The following SHPRH variants were observed in gnomAD, a reference collection of about 807,000 sequenced individuals.
The protein encoded by SHPRH is SNF2 histone linker PHD RING helicase.
Under a neutral mutation model 202.5 loss-of-function variants are expected in SHPRH, and 106 were observed. The observed-to-expected ratio is 0.52, with a 90% CI of 0.45 to 0.62. The LOEUF (loss-of-function observed/expected upper bound fraction) is 0.62, where lower values mean the gene tolerates loss of function less well. Among genes scored for constraint, SHPRH ranks in the 20% least tolerant of loss-of-function variants. The pLI is 0.00. For synonymous variants in SHPRH, 729 were observed against 686.0 expected (o/e 1.06, Z -0.98); for missense variants, 1,710 against 2,020.0 (o/e 0.85, Z 2.94).
At chr6:145,862,442 AAAAC>A (rs1432793241), downstream of SHPRH, among the ~76,000 whole-genome samples, 2 of 119,484 alleles carry the variant, frequency 1.7e-5, no homozygotes, top group Admixed American at 7.5e-5. Flanking sequence ...ACAAAACAAA[AAAAC>A]AAAAACAACA....
chr6:145,952,407 T>C lies in SHPRH; in HGVS notation c.705A>G (p.Lys235=). Residue 235 remains lysine (K), a synonymous_variant, in exon 3 of 30, where the codon AAA becomes AAG. Coordinates refer to ENST00000275233, the MANE Select transcript of SHPRH (RefSeq NM_001042683.3). ...DFLSDANSRM[K]KFNQLMKKVM... ...CTTTCTTCATGAGCTGATTGAACTT[T>C]TTCATTCTTGAATTTGCATCACTCA... 1.2e-6 allele frequency: 2 copies of C among 1,611,266 alleles called. No homozygotes were observed. The highest frequency in any genetic ancestry group is 1.7e-6 in the Non-Finnish European group (2 of 1,178,440).
At chr6:145,934,840 C>T in intron 13 of SHPRH, 67 bp downstream of exon 13, 2 of 1,453,460 alleles carry the variant, frequency 1.4e-6, no homozygotes, top group Non-Finnish European at 9.3e-7. Flanking sequence ...CTGAATGAAA[C>T]CGTGGGCCTG....
chr6:145,945,659 A>G, intron 7 of SHPRH, 22 bp from the exon 8 acceptor site: 1 of 1,556,842 alleles, frequency 6.4e-7, no homozygotes, highest in Non-Finnish European at 8.6e-7. Context: ...AGGATATGCT[A>G]AATCAGTCAA....
chr6:145,958,931 C>T (rs1252048152), intron 1 of SHPRH, among the ~76,000 whole-genome samples: 3 of 152,154 alleles, frequency 2.0e-5, no homozygotes, highest in African/African-American at 4.8e-5. Flanking sequence ...CTCCTGGGTT[C>T]ATGCCATTCT....
At chr6:145,952,562 T>A (rs76367002) in intron 2 of SHPRH, 84 bp from the exon 3 acceptor site, 17,021 of 1,305,064 alleles carry the variant, frequency 0.013, 149 homozygotes, top group Middle Eastern at 0.03. Context: ...AAAATTAGCA[T>A]CACTACTTTT....
At chr6:145,859,822 G>A (rs1779524399), downstream of SHPRH, among the ~76,000 whole-genome samples, 1 of 152,006 alleles carries the variant, frequency 6.6e-6, no homozygotes. Flanking sequence ...GCAAGAAGAG[G>A]AGAAAGTGCT....
intron 4 of SHPRH, 60 bp from the exon 5 acceptor site, chr6:145,948,410 A>G (rs1787621403): frequency 7.5e-7 from 1 of 1,334,054 alleles, no homozygotes; most frequent in South Asian, 1.3e-5. Context: ...AGATAATCAC[A>G]TTAAAAAAAG....
intron 2 of SHPRH, among the ~76,000 whole-genome samples, chr6:145,867,100 A>G (rs1266821486): frequency 6.6e-6 from 1 of 152,162 alleles, no homozygotes; most frequent in Non-Finnish European, 1.5e-5. Flanking sequence ...CTCAAATTTG[A>G]GGTCACTATA....
chr6:145,931,463 C>T (rs1288841286), intron 14 of SHPRH, among the ~76,000 whole-genome samples: 1 of 152,124 alleles, frequency 6.6e-6, no homozygotes, highest in Non-Finnish European at 1.5e-5. Context: ...AGTGATTCTC[C>T]TGTCTCAGCC....
rs1459601313 is a variant in SHPRH at position 145,954,995 on chromosome 6, T to G, written c.328A>C (p.Asn110His). Residue 110 changes from asparagine (N) to histidine (H), a missense_variant, in exon 2 of 30, where the codon AAT becomes CAT. This residue lies in a region of SHPRH where 459 missense variants were observed against 426.5 expected (regional missense o/e 1.08). Coordinates refer to ENST00000275233, the MANE Select transcript of SHPRH (RefSeq NM_001042683.3). ...TCTCCTAGAAATGCTTTCCAGGAAT[T>G]ATCAAAATGATAGGGAGAAATCACA... is the stretch of plus-strand genomic sequence containing the variant. ...NIVISPYHFD[N>H]SWKAFLGELT... 1.9e-5 allele frequency: 31 copies of G among 1,613,742 alleles called. No homozygotes were observed. The highest frequency in any genetic ancestry group is 2.5e-5 in the Non-Finnish European group (30 of 1,179,916).
At chr6:145,862,386 G>A (rs567645022), downstream of SHPRH, among the ~76,000 whole-genome samples, 23 of 151,844 alleles carry the variant, frequency 1.5e-4, no homozygotes, top group African/African-American at 4.8e-4. Context: ...CCCGGGAGGC[G>A]GAGCTTGCAG....
intron 5 of SHPRH, 45 bp downstream of exon 5, chr6:145,948,227 A>AT: frequency 1.4e-6 from 2 of 1,392,350 alleles, no homozygotes; most frequent in Non-Finnish European, 2.0e-6. Context: ...GTTTTTCATT[A>AT]TATTTATTTT....
intron 2 of SHPRH, among the ~76,000 whole-genome samples, chr6:145,873,936 C>T (rs979230415): frequency 1.4e-4 from 22 of 151,992 alleles, no homozygotes; most frequent in Non-Finnish European, 2.1e-4. Flanking sequence ...CAGTGGCTCA[C>T]GCCTGTAATC....
Position 145,943,331 on chromosome 6 carries a change from G to T in SHPRH, c.2050C>A (p.Gln684Lys). The T allele has an allele frequency of 6.2e-7, 1 of 1,613,836 alleles. No homozygotes were observed. The highest frequency in any genetic ancestry group is 1.1e-5 in the South Asian group (1 of 91,064). The change falls in exon 9 of 30, where the codon CAA (glutamine) becomes AAA (lysine). Residue 684 changes from glutamine (Q) to lysine (K), a missense_variant. By Grantham distance (53) the Gln-to-Lys change is moderately conservative. This residue lies in a region of SHPRH where 277 missense variants were observed against 363.0 expected (regional missense o/e 0.76). Transcript: ENST00000275233. ...TCATAATTCACACACTTTGCATGTT[G>T]CCACAGGTGACACTTCAGGCATTGA... is the stretch of plus-strand genomic sequence containing the variant. ...RVQCLKCHLW[Q>K]HAKCVNYDEK...
intron 11 of SHPRH, 152 bp downstream of exon 11, chr6:145,940,571 G>C: frequency 4.3e-6 from 3 of 698,818 alleles, no homozygotes; most frequent in South Asian, 2.1e-5. Flanking sequence ...CATTTAAAAA[G>C]ATAAATGCTT....
intron 23 of SHPRH, among the ~76,000 whole-genome samples, chr6:145,915,524 C>CT (rs961937286): frequency 4.0e-5 from 6 of 151,704 alleles, no homozygotes; most frequent in Non-Finnish European, 8.8e-5. Flanking sequence ...CCTTATTTCA[C>CT]TTTTTTTAAA....
rs576904981 is a variant in SHPRH, at chr6:145,887,925, T to C, written c.4955+95A>G. ...TGCTTTTAAAAACGTATTTGTGCTA[T>C]ATTTTTCGTTGTCATCTAAGTGAAG... is the stretch of plus-strand genomic sequence containing the variant. On this transcript the variant is annotated intron_variant, in intron 29 of 29. Transcript: ENST00000275233. 1.9e-4 allele frequency: 183 copies of C among 945,994 alleles called. 4 individuals are homozygous for C. The South Asian group carries it at 2.5e-3, about 13-fold the overall frequency. The allele number at this position is 945,994 out of a possible 1,614,324, so 58.6% of individuals were successfully genotyped here.
In SHPRH at chr6:145,941,545, T is replaced by C. The variant is rs1283610974; in HGVS notation, c.2490+78A>G. ...TACTACAGGTTAACTATGCTTAAAC[T>C]ATTAAACTACTCAAGGTCCCCTAAT... On this transcript the variant is annotated intron_variant, in intron 10 of 29. Transcript: ENST00000275233. 6 of 1,568,200 alleles carry C rather than the reference T, an allele frequency of 3.8e-6. No homozygotes were observed. In the African/African-American group the frequency reaches 4.1e-5, roughly 11 times the overall value.
At position 145,943,794 on chromosome 6, in the gene SHPRH, C is replaced by A. The variant is rs765329645; in HGVS notation, c.1587G>T (p.Gly529=). 6.4e-7 allele frequency: 1 copy of A among 1,565,928 alleles called. No individual in the cohort carries two copies. The highest frequency in any genetic ancestry group is 8.6e-7 in the Non-Finnish European group (1 of 1,163,370). The change falls in exon 9 of 30, where the codon GGG becomes GGT. Residue 529 remains glycine (G), a synonymous_variant. Coordinates refer to ENST00000275233, the MANE Select transcript of SHPRH (RefSeq NM_001042683.3). ...TTTCTTTCTGAATTTTCCTTGGACT[C>A]CCTACTGCCTATGAAAAAAATATTT... ...ICDKTKKQAV[G]SPRKIQKETR... is the part of the protein sequence containing the mutation.
Sources: allele counts gnomAD v4.1 joint callset (sites outside exome capture counted in the v4.1 genomes callset), GRCh38; gene constraint gnomAD v4.1.1; regional missense constraint gnomAD v4.1.1; transcripts MANE v1.5; gene names NCBI Gene and HGNC (gene_info 2026-07-23, HGNC 2026-07-21).